Variants in NFKB1 observed in about 807,000 individuals in gnomAD.
The protein encoded by NFKB1 is nuclear factor kappa B subunit 1, also known as nuclear factor NF-kappa-B p105 subunit.
In NFKB1, 9 loss-of-function variants were observed where a neutral mutation model predicts 105.1. That is an observed-to-expected ratio of 0.09 (90% CI 0.05 to 0.15). NFKB1 has a LOEUF of 0.15. Among genes scored for constraint, NFKB1 ranks in the 10% least tolerant of loss-of-function variants. The pLI, the probability that NFKB1 is intolerant of heterozygous loss-of-function variation, is 1.00. For synonymous variants in NFKB1, 440 were observed against 442.2 expected (o/e 1.00, Z 0.06); for missense variants, 830 against 1,203.7 (o/e 0.69, Z 4.59).
intron 22 of NFKB1, 113 bp from the exon 23 acceptor site, chr4:102,613,312 G>C: frequency 9.4e-7 from 1 of 1,061,026 alleles, no homozygotes; most frequent in Non-Finnish European, 1.4e-6. Flanking sequence ...TTTCCTCCTG[G>C]CTCCTGAGTG....
chr4:102,588,946 A>G (rs1725947672), intron 11 of NFKB1, among the ~76,000 whole-genome samples: 1 of 152,154 alleles, frequency 6.6e-6, no homozygotes, highest in Non-Finnish European at 1.5e-5. Context: ...AGTACATCCC[A>G]TGGTGCCATT....
chr4:102,577,854 C>G, intron 7 of NFKB1: 1 of 985,482 alleles, frequency 1.0e-6, no homozygotes. Context: ...TAGTCTTCTC[C>G]CTGGTCTCTG....
intron 16 of NFKB1, among the ~76,000 whole-genome samples, chr4:102,603,381 A>ATT (rs11397781): frequency 6.5e-4 from 98 of 150,352 alleles, no homozygotes; most frequent in African/African-American, 2.1e-3. Flanking sequence ...AGTAGCTATG[A>ATT]TTTTTTTTTT....
rs187500853 is a variant in NFKB1 at position 102,616,903 on chromosome 4, G to A, written c.*309G>A. The A allele has an allele frequency of 1.2e-5, 3 of 240,324 alleles. No individual in the cohort carries two copies. Among genetic ancestry groups the A allele is most frequent in the East Asian group, 1.8e-4 (2 of 11,046 alleles). 14.9% of individuals were successfully genotyped at this position (240,324 alleles called of 1,614,324 possible). A position where few individuals can be genotyped will look rare whatever the true frequency, so the allele number is the denominator to read the frequency against. On this transcript the variant is annotated 3_prime_UTR_variant, in exon 24 of 24. Coordinates refer to ENST00000226574, the MANE Select transcript of NFKB1 (RefSeq NM_003998.4). The stretch of plus-strand genomic sequence containing the variant: ...ACAGCTGCTTTCTGTTGTCATTGCT[G>A]TTGTCCCTCTGCTACGTTCCTATTG...
chr4:102,530,253 T>C (rs1299044940), intron 3 of NFKB1, among the ~76,000 whole-genome samples: 1 of 152,166 alleles, frequency 6.6e-6, no homozygotes, highest in Non-Finnish European at 1.5e-5. Flanking sequence ...TTCATTTCTG[T>C]TTCAAACATT....
At chr4:102,530,799 G>A (rs1005164372) in intron 3 of NFKB1, among the ~76,000 whole-genome samples, 7 of 152,032 alleles carry the variant, frequency 4.6e-5, no homozygotes, top group Non-Finnish European at 5.9e-5. Context: ...AACTTTTTCT[G>A]CATTTATATC....
intron 1 of NFKB1, among the ~76,000 whole-genome samples, chr4:102,509,113 A>G (rs1462223292): frequency 1.3e-5 from 2 of 152,332 alleles, no homozygotes; most frequent in South Asian, 4.1e-4. Context: ...AAATATAAGT[A>G]CCTGGGAAAT....
At chr4:102,555,633 G>A (rs1270669415) in intron 5 of NFKB1, among the ~76,000 whole-genome samples, 1 of 152,190 alleles carries the variant, frequency 6.6e-6, no homozygotes, top group East Asian at 1.9e-4. Flanking sequence ...TGAAAGCATA[G>A]ATCTAACGAG....
intron 1 of NFKB1, among the ~76,000 whole-genome samples, chr4:102,515,007 A>G (rs1041491511): frequency 2.6e-5 from 4 of 152,008 alleles, no homozygotes; most frequent in African/African-American, 9.7e-5. Flanking sequence ...ATTCTTATGA[A>G]AAGCGTATAC....
chr4:102,537,783 T>C (rs1451528378), intron 4 of NFKB1, 75 bp from the exon 5 acceptor site: 8 of 816,004 alleles, frequency 9.8e-6, no homozygotes, highest in Middle Eastern at 2.3e-4. Flanking sequence ...ATTTAAAAAT[T>C]TGTATGTACC....
intron 5 of NFKB1, among the ~76,000 whole-genome samples, chr4:102,562,638 G>A (rs563525946): frequency 4.1e-4 from 63 of 152,306 alleles, no homozygotes; most frequent in African/African-American, 1.4e-3. Context: ...GAAATCAAGT[G>A]TATTATTCCT....
At chr4:102,536,775 T>C (rs1318130790) in intron 4 of NFKB1, among the ~76,000 whole-genome samples, 1 of 152,090 alleles carries the variant, frequency 6.6e-6, no homozygotes. Context: ...GGTCCCACAA[T>C]AGAAACAAAA....
At chr4:102,549,718 A>G (rs1177831860) in intron 5 of NFKB1, among the ~76,000 whole-genome samples, 1 of 152,070 alleles carries the variant, frequency 6.6e-6, no homozygotes, top group East Asian at 1.9e-4. Context: ...GCTCTGCCTC[A>G]TAGCTTCCCC....
chr4:102,586,590 A>T (rs139242474), intron 11 of NFKB1, among the ~76,000 whole-genome samples: 1 of 152,316 alleles, frequency 6.6e-6, no homozygotes, highest in Non-Finnish European at 1.5e-5. Context: ...GAGTCTGTGG[A>T]TAGAAATGTA....
chr4:102,571,190 A>G (rs901246877), intron 6 of NFKB1, among the ~76,000 whole-genome samples: 4 of 152,250 alleles, frequency 2.6e-5, no homozygotes, highest in East Asian at 1.9e-4. Flanking sequence ...TACATCTACA[A>G]CTATCTGATC....
intron 6 of NFKB1, among the ~76,000 whole-genome samples, 198 bp downstream of exon 6, chr4:102,567,333 C>T (rs1245558657): frequency 2.6e-5 from 4 of 152,082 alleles, no homozygotes; most frequent in Admixed American, 2.0e-4. Context: ...TGAGACAGCC[C>T]GGTTTGCCCC....
intron 10 of NFKB1, among the ~76,000 whole-genome samples, chr4:102,584,449 G>T (rs1297972194): frequency 6.6e-6 from 1 of 152,168 alleles, no homozygotes; most frequent in African/African-American, 2.4e-5. Flanking sequence ...ATAAAGCTTC[G>T]TAGTACATTA....
intron 5 of NFKB1, among the ~76,000 whole-genome samples, chr4:102,565,449 A>C (rs1300931668): frequency 6.6e-6 from 1 of 152,126 alleles, no homozygotes; most frequent in African/African-American, 2.4e-5. Flanking sequence ...CGACTCTTGG[A>C]TGAAATATTG....
chr4:102,527,755 C>T (rs918411974), intron 2 of NFKB1, among the ~76,000 whole-genome samples: 2 of 152,054 alleles, frequency 1.3e-5, no homozygotes, highest in Non-Finnish European at 1.5e-5. Context: ...ATTGTGCTTT[C>T]TCTAACAATT....
Sources: allele counts gnomAD v4.1 joint callset (sites outside exome capture counted in the v4.1 genomes callset), GRCh38; gene constraint gnomAD v4.1.1; transcripts MANE v1.5; gene names NCBI Gene and HGNC (gene_info 2026-07-23, HGNC 2026-07-21).